The following SLC24A3 variants were observed in gnomAD, a reference collection of about 807,000 sequenced individuals.
The protein encoded by SLC24A3 is sodium/potassium/calcium exchanger 3.
In SLC24A3, 28 loss-of-function variants were observed where a neutral mutation model predicts 75.8. The observed-to-expected ratio is 0.37, with a 90% CI of 0.27 to 0.51. SLC24A3 has a LOEUF of 0.51. Among genes scored for constraint, SLC24A3 ranks in the 20% least tolerant of loss-of-function variants. SLC24A3 has a pLI of 0.94. For missense variants in SLC24A3, 663 were observed against 847.8 expected (o/e 0.78, Z 2.71); for synonymous variants, 372 against 334.1 (o/e 1.11, Z -1.24).
At chr20:19,261,935 TC>T (rs2122196027) in intron 1 of SLC24A3, 1 of 152,380 alleles carries the variant, frequency 6.6e-6, no homozygotes, top group Admixed American at 6.5e-5. Flanking sequence ...AGCAGCTGTT[TC>T]TGCAGGGAGT....
At chr20:19,425,879 C>A (rs535759796) in intron 2 of SLC24A3, among the ~76,000 whole-genome samples, 1 of 152,324 alleles carries the variant, frequency 6.6e-6, no homozygotes, top group Admixed American at 6.5e-5. Context: ...TTCAAGCCAG[C>A]TCGTGTGCCT....
intron 6 of SLC24A3, among the ~76,000 whole-genome samples, chr20:19,645,315 G>C (rs533148101): frequency 6.6e-6 from 1 of 152,292 alleles, no homozygotes; most frequent in Admixed American, 6.5e-5. Flanking sequence ...AGAGCATCAT[G>C]TCAAATGTTG....
At chr20:19,530,862 T>C (rs545760433) in intron 3 of SLC24A3, among the ~76,000 whole-genome samples, 1 of 152,288 alleles carries the variant, frequency 6.6e-6, no homozygotes, top group East Asian at 1.9e-4. Flanking sequence ...CATACCCACC[T>C]GTCCAGAGTA....
chr20:19,636,879 A>G (rs1365392181), intron 6 of SLC24A3, among the ~76,000 whole-genome samples: 1 of 152,234 alleles, frequency 6.6e-6, no homozygotes, highest in East Asian at 1.9e-4. Context: ...AATAGAAATC[A>G]ACTTCTTAAA....
intron 2 of SLC24A3, among the ~76,000 whole-genome samples, chr20:19,309,408 C>G (rs1984404661): frequency 1.3e-5 from 2 of 152,300 alleles, no homozygotes; most frequent in South Asian, 4.1e-4. Flanking sequence ...GTTCTCTTGC[C>G]TTCTGCTACT....
At chr20:19,632,419 T>C (rs772146252) in intron 6 of SLC24A3, among the ~76,000 whole-genome samples, 157 of 152,278 alleles carry the variant, frequency 1.0e-3, no homozygotes, top group Non-Finnish European at 1.3e-3. Flanking sequence ...CCTACCTTCC[T>C]TGACTCGTGG....
intron 2 of SLC24A3, among the ~76,000 whole-genome samples, chr20:19,434,500 C>A (rs962679858): frequency 6.6e-6 from 1 of 152,164 alleles, no homozygotes; most frequent in African/African-American, 2.4e-5. Context: ...TTTATAGAAC[C>A]CTGGTCTGCA....
At chr20:19,219,575 T>C (rs1981652593) in intron 1 of SLC24A3, among the ~76,000 whole-genome samples, 2 of 151,880 alleles carry the variant, frequency 1.3e-5, no homozygotes, top group African/African-American at 4.8e-5. Context: ...GCTGTGGTGG[T>C]CAGGAAAAGC....
intron 3 of SLC24A3, among the ~76,000 whole-genome samples, chr20:19,555,892 G>A (rs6075532): frequency 2.0e-5 from 3 of 152,060 alleles, no homozygotes; most frequent in Non-Finnish European, 2.9e-5. Context: ...GTCAATTCAG[G>A]CTGAAATAAT....
At chr20:19,347,246 T>A (rs548506680) in intron 2 of SLC24A3, among the ~76,000 whole-genome samples, 2 of 152,078 alleles carry the variant, frequency 1.3e-5, no homozygotes, top group South Asian at 4.2e-4. Context: ...CTAGGTGGAG[T>A]GTAGAGGGTT....
chr20:19,469,234 GA>G lies in SLC24A3; in HGVS notation c.272-46252del, dbSNP rs1987822615. Among the ~76,000 whole-genome samples the G allele has an allele frequency of 2.0e-5, 3 of 152,252 alleles. No homozygotes were observed. The South Asian group carries it at 6.2e-4, about 32-fold the overall frequency. On this transcript the variant is annotated intron_variant, in intron 2 of 16. Transcript: ENST00000328041. ...GCAGGCAGGAGATGAGGAGGACTGG[GA>G]AGGGTGGCGTAGGAACTGGATGACA...
intron 2 of SLC24A3, among the ~76,000 whole-genome samples, chr20:19,327,063 T>C (rs549703596): frequency 2.0e-5 from 3 of 152,336 alleles, no homozygotes; most frequent in South Asian, 4.1e-4. Context: ...ATTTCTTTAA[T>C]TTAAAAAAAC....
intron 6 of SLC24A3, among the ~76,000 whole-genome samples, chr20:19,602,920 G>A (rs764709327): frequency 5.3e-5 from 8 of 152,212 alleles, no homozygotes. Context: ...AGCCAGCTGA[G>A]GGGGGCTCAT....
rs577081479 is a variant in SLC24A3, at chr20:19,387,276, G to GA, written c.271+106194dup. On this transcript the variant is annotated intron_variant, in intron 2 of 16. Coordinates refer to ENST00000328041, the MANE Select transcript of SLC24A3 (RefSeq NM_020689.4). ...ATTTGTCAATTTTATTTATCTTTTT[G>GA]AAAAACCAGCTTTTTGTTTTATGTA... 4.0e-5 allele frequency among the ~76,000 whole-genome samples: 6 copies of GA among 151,198 alleles called. No homozygotes were observed. The South Asian group carries it at 1.3e-3, about 32-fold the overall frequency.
At chr20:19,482,623 T>C (rs1988073229) in intron 2 of SLC24A3, among the ~76,000 whole-genome samples, 1 of 152,242 alleles carries the variant, frequency 6.6e-6, no homozygotes, top group Non-Finnish European at 1.5e-5. Context: ...GGAAATTTTA[T>C]TTGAATAAAT....
intron 2 of SLC24A3, among the ~76,000 whole-genome samples, chr20:19,366,932 C>T (rs1412816207): frequency 1.3e-5 from 2 of 152,256 alleles, no homozygotes; most frequent in East Asian, 1.9e-4. Context: ...GGGAAGTCCT[C>T]GAGTGGCTCA....
chr20:19,354,618 GTGTGTA>G (rs1367603553), intron 2 of SLC24A3, among the ~76,000 whole-genome samples: 130 of 125,760 alleles, frequency 1.0e-3, no homozygotes, highest in African/African-American at 4.0e-3. Flanking sequence ...GTGTGTGTGT[GTGTGTA>G]TGTGTGTATG....
chr20:19,580,789 T>C lies in SLC24A3; in HGVS notation c.423+715T>C, dbSNP rs181507718. On this transcript the variant is annotated intron_variant, in intron 4 of 16. Transcript: ENST00000328041. The stretch of plus-strand genomic sequence containing the variant: ...TTATATTTATCGGTTTATATTTTAA[T>C]TCAGAATCCCTGTTTCCAGAAGGCA... Among the ~76,000 whole-genome samples, 335 of 152,326 alleles carry C rather than the reference T, an allele frequency of 2.2e-3. 1 individual carries two copies. Among genetic ancestry groups the C allele is most frequent in the African/African-American group, 7.6e-3 (317 of 41,564 alleles).
At chr20:19,295,054 A>G (rs896634643) in intron 2 of SLC24A3, among the ~76,000 whole-genome samples, 3 of 152,184 alleles carry the variant, frequency 2.0e-5, no homozygotes, top group Admixed American at 6.5e-5. Context: ...TCTAATGATC[A>G]GTGATATTGA....
Sources: allele counts gnomAD v4.1 joint callset (sites outside exome capture counted in the v4.1 genomes callset), GRCh38; gene constraint gnomAD v4.1.1; transcripts MANE v1.5; gene names NCBI Gene and HGNC (gene_info 2026-07-23, HGNC 2026-07-21).